The following TMEM178B variants were observed in gnomAD, a reference collection of about 807,000 sequenced individuals.
The protein encoded by TMEM178B is transmembrane protein 178B.
TMEM178B carries 5 observed loss-of-function variants against 31.0 expected under a neutral mutation model. That is an observed-to-expected ratio of 0.16 (90% CI 0.08 to 0.34). TMEM178B has a LOEUF of 0.34. Among genes scored for constraint, TMEM178B ranks in the 10% least tolerant of loss-of-function variants. The pLI is 1.00. For synonymous variants in TMEM178B, 164 were observed against 164.0 expected (o/e 1.00, Z 0.00); for missense variants, 275 against 400.3 (o/e 0.69, Z 2.67).
intron 1 of TMEM178B, among the ~76,000 whole-genome samples, chr7:141,185,697 G>A (rs1796599363): frequency 6.6e-6 from 1 of 152,080 alleles, no homozygotes; most frequent in Admixed American, 6.5e-5. Flanking sequence ...TGGCAGGCCA[G>A]GGTCGTCTTG....
intron 2 of TMEM178B, among the ~76,000 whole-genome samples, chr7:141,379,767 T>C (rs1392374285): frequency 3.3e-5 from 5 of 152,182 alleles, no homozygotes; most frequent in Non-Finnish European, 5.9e-5. Context: ...ATCTCTCTCA[T>C]CCACCTTCCT....
At chr7:141,083,361 A>C (rs1794718965) in intron 1 of TMEM178B, among the ~76,000 whole-genome samples, 1 of 152,122 alleles carries the variant, frequency 6.6e-6, no homozygotes, top group Non-Finnish European at 1.5e-5. Flanking sequence ...GCCCTTTCAT[A>C]CTTTTACATT....
intron 3 of TMEM178B, among the ~76,000 whole-genome samples, chr7:141,463,091 T>C (rs774382252): frequency 2.3e-4 from 35 of 152,220 alleles, no homozygotes; most frequent in Non-Finnish European, 4.1e-4. Flanking sequence ...GCTCTCAGCC[T>C]GCAGCTACTT....
chr7:141,366,963 A>C lies in TMEM178B; in HGVS notation c.497-70645A>C, dbSNP rs183431613. Among the ~76,000 whole-genome samples, 493 of 152,050 alleles carry C rather than the reference A, an allele frequency of 3.2e-3. 3 individuals carry two copies. Among genetic ancestry groups the C allele is most frequent in the African/African-American group, 0.011 (476 of 41,478 alleles). On this transcript the variant is annotated intron_variant, in intron 2 of 3. Coordinates refer to ENST00000565468, the MANE Select transcript of TMEM178B (RefSeq NM_001195278.2). The stretch of plus-strand genomic sequence containing the variant: ...TCCCTAAAGGAGACTGCTGATGCTA[A>C]ATTGAATGTGGAGGGTCTGGGTGGT...
intron 2 of TMEM178B, among the ~76,000 whole-genome samples, chr7:141,404,033 T>C (rs998440956): frequency 1.3e-5 from 2 of 152,186 alleles, no homozygotes; most frequent in African/African-American, 4.8e-5. Context: ...TTGCCGGGCA[T>C]GGTGGCTCGT....
intron 2 of TMEM178B, chr7:141,430,004 C>T (rs1357692997): frequency 6.6e-6 from 1 of 152,232 alleles, no homozygotes; most frequent in African/African-American, 2.4e-5. Flanking sequence ...CCTTCCAGAT[C>T]AGTGCAGTGC....
intron 1 of TMEM178B, among the ~76,000 whole-genome samples, chr7:141,092,070 G>A (rs1586763317): frequency 6.6e-6 from 1 of 152,160 alleles, no homozygotes; most frequent in Non-Finnish European, 1.5e-5. Flanking sequence ...AGGAGGTCTT[G>A]TGTCCACTGT....
intron 2 of TMEM178B, among the ~76,000 whole-genome samples, chr7:141,216,422 CCT>C (rs1797147642): frequency 1.1e-5 from 1 of 88,864 alleles, no homozygotes; most frequent in Non-Finnish European, 2.1e-5. Context: ...GAGGATGAAG[CCT>C]GTGTGTGTGT....
At chr7:141,102,172 A>G (rs1245527824) in intron 1 of TMEM178B, among the ~76,000 whole-genome samples, 1 of 152,188 alleles carries the variant, frequency 6.6e-6, no homozygotes, top group Non-Finnish European at 1.5e-5. Context: ...AGAGAGTGCG[A>G]ATGACTATTA....
At chr7:141,447,535 G>A (rs142732433) in intron 3 of TMEM178B, among the ~76,000 whole-genome samples, 50 of 152,178 alleles carry the variant, frequency 3.3e-4, no homozygotes, top group South Asian at 8.3e-4. Context: ...ACTGAGGGGC[G>A]TCCATCCGCA....
At chr7:141,274,224 T>C (rs1167491979) in intron 2 of TMEM178B, among the ~76,000 whole-genome samples, 1 of 152,210 alleles carries the variant, frequency 6.6e-6, no homozygotes, top group Non-Finnish European at 1.5e-5. Flanking sequence ...TGTCCATCTC[T>C]CCCACCAAAA....
At chr7:141,137,381 A>C (rs1036285625) in intron 1 of TMEM178B, among the ~76,000 whole-genome samples, 1 of 152,244 alleles carries the variant, frequency 6.6e-6, no homozygotes, top group African/African-American at 2.4e-5. Flanking sequence ...CTATTCAGCC[A>C]TCAAAGAAAA....
At chr7:141,097,869 G>A (rs576025144) in intron 1 of TMEM178B, among the ~76,000 whole-genome samples, 1 of 140,650 alleles carries the variant, frequency 7.1e-6, no homozygotes, top group Non-Finnish European at 1.5e-5. Flanking sequence ...CTCTCTCACT[G>A]CAGCTTCGAC....
the TMEM178B span, among the ~76,000 whole-genome samples, chr7:141,485,533 C>T: frequency 6.6e-5 from 10 of 152,174 alleles, no homozygotes; most frequent in Admixed American, 6.5e-4. Context: ...TTAGTAGATA[C>T]CATATAAGTA....
intron 1 of TMEM178B, among the ~76,000 whole-genome samples, chr7:141,075,331 A>G (rs1052859204): frequency 5.9e-5 from 9 of 152,178 alleles, no homozygotes; most frequent in African/African-American, 2.2e-4. Flanking sequence ...AATATCAACA[A>G]GGTCTAATAA....
At position 141,437,610 on chromosome 7, in the gene TMEM178B, C is replaced by T. The variant is rs760421326; in HGVS notation, c.499C>T (p.Leu167=). 2 of 1,536,120 alleles carry T rather than the reference C, an allele frequency of 1.3e-6. No individual in the cohort carries two copies. Among genetic ancestry groups the T allele is most frequent in the South Asian group, 2.4e-5 (2 of 84,056 alleles). Residue 167 remains leucine, a splice_region_variant and synonymous_variant, in exon 3 of 4, where the codon CTG becomes TTG. Coordinates refer to ENST00000565468, the MANE Select transcript of TMEM178B (RefSeq NM_001195278.2). ...IRQDEWHALH[L]RRMTAGFMGM... ...GTTGCTCGCCTGCTTCCCCACAGAC[C>T]TGCGCAGAATGACGGCTGGCTTCAT... is the stretch of plus-strand genomic sequence containing the variant.
intron 1 of TMEM178B, among the ~76,000 whole-genome samples, chr7:141,102,818 T>A (rs1298773184): frequency 2.6e-5 from 4 of 152,236 alleles, no homozygotes; most frequent in Admixed American, 6.5e-5. Flanking sequence ...TTTCCACTGA[T>A]CATGGTTCCT....
rs1210692150 is a variant in TMEM178B at position 141,292,147 on chromosome 7, T to G, written c.496+79443T>G. ...CAGGTCGCTAATGTTTCCTTCCACC[T>G]GTGTGAAAATTTACCAAGAATTTAC... is the stretch of plus-strand genomic sequence containing the variant. On this transcript the variant is annotated intron_variant, in intron 2 of 3. Transcript: ENST00000565468. Among the ~76,000 whole-genome samples the G allele has an allele frequency of 2.0e-5, 3 of 152,334 alleles. No homozygotes were observed. In the South Asian group the frequency reaches 6.2e-4, roughly 32 times the overall value.
chr7:141,349,356 G>T (rs940252479), intron 2 of TMEM178B, among the ~76,000 whole-genome samples: 9 of 152,142 alleles, frequency 5.9e-5, no homozygotes, highest in Non-Finnish European at 1.2e-4. Flanking sequence ...AATGACCGAT[G>T]GATCATCCTA....
Sources: gnomAD v4.1 joint callset for allele counts (sites outside exome capture counted in the v4.1 genomes callset) on GRCh38, gnomAD v4.1.1 for gene constraint, MANE v1.5 for transcripts, NCBI Gene and HGNC (gene_info 2026-07-23, HGNC 2026-07-21) for gene names.